The following PTPRJ variants were observed in gnomAD, a reference collection of about 807,000 sequenced individuals.
PTPRJ encodes the protein receptor-type tyrosine-protein phosphatase eta.
PTPRJ carries 129 observed loss-of-function variants against 141.3 expected under a neutral mutation model. The ratio of observed to expected loss-of-function variants is 0.91; its 90% CI spans 0.79 to 1.06. The LOEUF is 1.06. Among genes scored for constraint, PTPRJ ranks in the 50% least tolerant of loss-of-function variants. The pLI is 0.00. For synonymous variants in PTPRJ, 610 were observed against 640.5 expected, an observed-to-expected ratio of 0.95 and a Z score of 0.72; for missense variants, 1,601 against 1,679.7, an observed-to-expected ratio of 0.95 and a Z score of 0.82.
chr11:48,041,166 C>G (rs1854265341), intron 1 of PTPRJ, among the ~76,000 whole-genome samples: 1 of 152,038 alleles, frequency 6.6e-6, no homozygotes, highest in Non-Finnish European at 1.5e-5. Flanking sequence ...CTAGATCATT[C>G]ACGTCTTGAA....
chr11:48,106,278 A>G (rs974747161), intron 1 of PTPRJ, among the ~76,000 whole-genome samples: 5 of 152,064 alleles, frequency 3.3e-5, no homozygotes. Flanking sequence ...CCAAAAATAC[A>G]CGGCCGTAGA....
chr11:48,159,096 G>GA (rs1857687217), intron 21 of PTPRJ, among the ~76,000 whole-genome samples: 1 of 142,012 alleles, frequency 7.0e-6, no homozygotes, highest in Non-Finnish European at 1.5e-5. Flanking sequence ...TGTGTATGTG[G>GA]GGTGTGTGTG....
chr11:48,106,413 G>A (rs1856289093), intron 1 of PTPRJ, among the ~76,000 whole-genome samples: 1 of 152,240 alleles, frequency 6.6e-6, no homozygotes, highest in South Asian at 2.1e-4. Flanking sequence ...CTGTGATTTA[G>A]GGCTGGAGGT....
At chr11:48,007,899 G>T (rs920257738) in intron 1 of PTPRJ, among the ~76,000 whole-genome samples, 18 of 152,186 alleles carry the variant, frequency 1.2e-4, no homozygotes, top group African/African-American at 4.3e-4. Context: ...GCGCAGAGAG[G>T]GGAAGTGACT....
At chr11:48,111,819 C>G (rs945567162) in intron 2 of PTPRJ, among the ~76,000 whole-genome samples, 10 of 152,060 alleles carry the variant, frequency 6.6e-5, no homozygotes, top group African/African-American at 1.2e-4. Context: ...GGGGTTAGGA[C>G]TTCAACATAT....
chr11:48,035,125 C>T (rs1854085793), intron 1 of PTPRJ, among the ~76,000 whole-genome samples: 2 of 152,342 alleles, frequency 1.3e-5, no homozygotes, highest in East Asian at 1.9e-4. Context: ...TGGCTACCTC[C>T]TTTTAGACTC....
chr11:47,991,101 A>T (rs972135270), intron 1 of PTPRJ, among the ~76,000 whole-genome samples: 23 of 152,148 alleles, frequency 1.5e-4, no homozygotes, highest in African/African-American at 5.6e-4. Context: ...GACACACGCA[A>T]ATGTATTAAA....
intron 5 of PTPRJ, among the ~76,000 whole-genome samples, chr11:48,124,267 A>G (rs1429718274): frequency 1.3e-5 from 2 of 152,252 alleles, no homozygotes; most frequent in South Asian, 2.1e-4. Context: ...GGATAACTCC[A>G]TGAGGAGGAC....
At chr11:48,092,703 T>A (rs2134301249) in intron 1 of PTPRJ, among the ~76,000 whole-genome samples, 1 of 152,354 alleles carries the variant, frequency 6.6e-6, no homozygotes, top group East Asian at 1.9e-4. Context: ...GTGCTGGGAT[T>A]ACAGGCGTGA....
chr11:48,153,558 C>T (rs1187164276), intron 18 of PTPRJ, among the ~76,000 whole-genome samples: 3 of 148,902 alleles, frequency 2.0e-5, no homozygotes, highest in African/African-American at 7.4e-5. Context: ...GCATCTGGTG[C>T]AGTGATCTGA....
intron 1 of PTPRJ, among the ~76,000 whole-genome samples, chr11:48,109,274 C>T (rs956033467): frequency 8.3e-6 from 1 of 120,878 alleles, no homozygotes; most frequent in Non-Finnish European, 2.0e-5. Flanking sequence ...TTCTTCGTGA[C>T]GATCCTACTT....
At chr11:48,082,275 G>T (rs539306723) in intron 1 of PTPRJ, among the ~76,000 whole-genome samples, 1 of 152,202 alleles carries the variant, frequency 6.6e-6, no homozygotes, top group Admixed American at 6.5e-5. Context: ...TTACTTTGTT[G>T]TCCAGGCTGG....
intron 14 of PTPRJ, 117 bp downstream of exon 14, chr11:48,145,241 C>A: frequency 7.1e-7 from 1 of 1,402,212 alleles, no homozygotes; most frequent in Non-Finnish European, 9.8e-7. Flanking sequence ...GTGTGCCCAG[C>A]TCTCCCCTCC....
rs751238463 is a variant in PTPRJ at position 48,143,038 on chromosome 11, A to T, written c.2563A>T (p.Thr855Ser). ...GPIKAYAVIL[T>S]TGEAGHPSAD... is the part of the protein sequence containing the mutation. ...CATCAAAGCCTATGCTGTCATTCTC[A>T]CCACCGGGGAAGGTAAGGAGAGGCC... The change falls in exon 12 of 25, where the codon ACC becomes TCC. Residue 855 changes from threonine to serine, a missense_variant. Transcript: ENST00000418331. 3 of 1,614,106 alleles carry T rather than the reference A, an allele frequency of 1.9e-6. No homozygotes were observed. Among genetic ancestry groups the T allele is most frequent in the Non-Finnish European group, 2.5e-6 (3 of 1,179,972 alleles).
chr11:48,127,931 T>C lies in PTPRJ; in HGVS notation c.1245T>C (p.Ser415=). The change falls in exon 7 of 25, where the codon AGT becomes AGC. Residue 415 remains serine, a synonymous_variant. Transcript: ENST00000418331. ...GETDSSNLNV[S]EPRAVIPGLR... is the part of the protein sequence containing the mutation. ...CAGATTCTTCCAATCTCAACGTCAGTGAGCCTCGCGCTGTCATCCCCGGAC... is the reference window on the plus strand; with the variant it reads ...CAGATTCTTCCAATCTCAACGTCAGCGAGCCTCGCGCTGTCATCCCCGGAC... 6.2e-7 allele frequency: 1 copy of C among 1,614,188 alleles called. No individual in the cohort carries two copies. The highest frequency in any genetic ancestry group is 8.5e-7 in the Non-Finnish European group (1 of 1,180,016).
chr11:48,054,542 A>G (rs1436280681), intron 1 of PTPRJ, among the ~76,000 whole-genome samples: 1 of 151,968 alleles, frequency 6.6e-6, no homozygotes, highest in Non-Finnish European at 1.5e-5. Context: ...TGACTTGCCC[A>G]CCTAGTTAGA....
intron 1 of PTPRJ, among the ~76,000 whole-genome samples, chr11:48,064,517 T>C (rs557796283): frequency 9.0e-4 from 137 of 152,306 alleles, no homozygotes; most frequent in African/African-American, 3.2e-3. Context: ...GAGCCTTTCC[T>C]GCTCCCTGAG....
chr11:48,068,414 C>T (rs550435847), intron 1 of PTPRJ, among the ~76,000 whole-genome samples: 5 of 152,256 alleles, frequency 3.3e-5, no homozygotes, highest in South Asian at 2.1e-4. Flanking sequence ...ATAAGTCTCA[C>T]GAGAGCTGAT....
At chr11:48,015,845 C>T (rs1854936435) in intron 1 of PTPRJ, 2 of 131,292 alleles carry the variant, frequency 1.5e-5, no homozygotes, top group Admixed American at 8.1e-5. Context: ...CAGAGTGAGA[C>T]TCTGTCTCAA....
Sources: gnomAD v4.1 joint callset for allele counts (sites outside exome capture counted in the v4.1 genomes callset) on GRCh38, gnomAD v4.1.1 for gene constraint, MANE v1.5 for transcripts, NCBI Gene and HGNC (gene_info 2026-07-23, HGNC 2026-07-21) for gene names.